The following DLAT variants were observed in gnomAD, a reference collection of about 807,000 sequenced individuals.
DLAT encodes dihydrolipoamide S-acetyltransferase, also known as dihydrolipoyllysine-residue acetyltransferase component of pyruvate dehydrogenase complex, mitochondrial.
In DLAT, 43 loss-of-function variants were observed where a neutral mutation model predicts 68.0. The observed-to-expected ratio is 0.63, with a 90% CI of 0.50 to 0.81. The LOEUF (loss-of-function observed/expected upper bound fraction) is 0.81. Among genes scored for constraint, DLAT ranks in the 40% least tolerant of loss-of-function variants. The pLI is 0.00. For synonymous variants in DLAT, 265 were observed against 288.6 expected, an observed-to-expected ratio of 0.92 and a Z score of 0.83; for missense variants, 745 against 815.4, an observed-to-expected ratio of 0.91 and a Z score of 1.05.
At chr11:112,036,085 C>T (rs2137743385) in intron 5 of DLAT, among the ~76,000 whole-genome samples, 1 of 142,712 alleles carries the variant, frequency 7.0e-6, no homozygotes, top group African/African-American at 2.5e-5. Context: ...GCCACCGTGC[C>T]CAGCCTTAAA....
At chr11:112,026,166 A>C in intron 1 of DLAT, 32 bp from the exon 2 acceptor site, 1 of 1,537,942 alleles carries the variant, frequency 6.5e-7, no homozygotes, top group East Asian at 2.3e-5. Flanking sequence ...TAGTCCTTAA[A>C]AATTTTAATG....
chr11:112,055,695 G>A (rs1297902567), intron 11 of DLAT, among the ~76,000 whole-genome samples: 4 of 150,894 alleles, frequency 2.7e-5, no homozygotes, highest in South Asian at 2.1e-4. Flanking sequence ...TTCCTTTTCC[G>A]TGCTATGGCC....
At chr11:112,050,047 TC>T (rs781841285) in intron 10 of DLAT, among the ~76,000 whole-genome samples, 7 of 152,208 alleles carry the variant, frequency 4.6e-5, no homozygotes, top group Non-Finnish European at 7.3e-5. Flanking sequence ...TCCCTCCTGT[TC>T]CCAGTTAGTA....
chr11:112,051,312 G>C lies in DLAT; in HGVS notation c.1477G>C (p.Glu493Gln). 1 of 1,613,606 alleles carries C rather than the reference G, an allele frequency of 6.2e-7. No individual in the cohort carries two copies. The highest frequency in any genetic ancestry group is 8.5e-7 in the Non-Finnish European group (1 of 1,179,924). Residue 493 changes from glutamate to glutamine, a missense_variant, in exon 11 of 14, where the codon GAA becomes CAA. Transcript: ENST00000280346. The surrounding 1 kb of genome is among the most constrained non-coding windows in gnomAD (Gnocchi z 4.3). ...AGCTTTGGCATGTTTAAAAGTTCCC[G>C]AAGCAAATTCTTCTTGGATGGACAC... ...ASALACLKVP[E>Q]ANSSWMDTVI... is the part of the protein sequence containing the mutation.
In DLAT at chr11:112,064,209, GT is replaced by G; in HGVS notation, c.*1676del. On this transcript the variant is annotated 3_prime_UTR_variant, in exon 14 of 14. Coordinates refer to ENST00000280346, the MANE Select transcript of DLAT (RefSeq NM_001931.5). ...AATTCATCTTTCGCTAATGCTTGTG[GT>G]TCTGTTGTTCCCTTGAAAAAAAATA... The G allele has an allele frequency of 6.4e-7, 1 of 1,565,818 alleles. No individual in the cohort carries two copies. Among genetic ancestry groups the G allele is most frequent in the Non-Finnish European group, 8.6e-7 (1 of 1,157,014 alleles).
intron 13 of DLAT, 56 bp downstream of exon 13, chr11:112,061,230 T>C: frequency 6.3e-7 from 1 of 1,599,774 alleles, no homozygotes; most frequent in Non-Finnish European, 8.6e-7. Context: ...ACTGTACACT[T>C]GTCCTGTGGT....
chr11:112,039,745 G>A (rs587717175), intron 7 of DLAT, among the ~76,000 whole-genome samples: 2 of 152,236 alleles, frequency 1.3e-5, no homozygotes, highest in South Asian at 4.1e-4. Flanking sequence ...TTGGTTGACT[G>A]TAGCAATAAG....
Position 112,033,466 on chromosome 11 carries a change from A to C in DLAT, c.723A>C (p.Lys241Asn). The stretch of plus-strand genomic sequence containing the variant: ...GCACAGTTCAGAGATGGGAAAAAAA[A>C]GTGGGTGAGAAGCTAAGTGAAGGAG... ...TMGTVQRWEK[K>N]VGEKLSEGDL... is the part of the protein sequence containing the mutation. The change falls in exon 5 of 14, where the codon AAA becomes AAC. Residue 241 changes from lysine to asparagine, a missense_variant. By Grantham distance (94) the Lys-to-Asn change is moderately conservative. Transcript: ENST00000280346. The C allele has an allele frequency of 6.2e-7, 1 of 1,613,878 alleles. No homozygotes were observed. The highest frequency in any genetic ancestry group is 8.5e-7 in the Non-Finnish European group (1 of 1,179,894).
In DLAT at chr11:112,028,532, C is replaced by A. The variant is rs374146854; in HGVS notation, c.399C>A (p.Ala133=). The change falls in exon 3 of 14, where the codon GCC becomes GCA. Residue 133 remains alanine, a synonymous_variant. Coordinates refer to ENST00000280346, the MANE Select transcript of DLAT (RefSeq NM_001931.5). ...GTTAAAAGGTTGAAACTGATAAAGC[C>A]ACTGTTGGATTTGAGAGCCTGGAGG... ...DLIAEVETDK[A]TVGFESLEEC... 1.9e-6 allele frequency: 3 copies of A among 1,613,786 alleles called. No individual in the cohort carries two copies. Among genetic ancestry groups the A allele is most frequent in the East Asian group, 4.5e-5 (2 of 44,894 alleles).
chr11:112,045,719 T>G, intron 9 of DLAT, 144 bp from the exon 10 acceptor site: 6 of 617,992 alleles, frequency 9.7e-6, no homozygotes, highest in Non-Finnish European at 1.4e-5. Flanking sequence ...AGGTGTTATA[T>G]TATGGCGGAG....
At position 112,026,311 on chromosome 11, in the gene DLAT, T is replaced by G. The variant is rs781957621; in HGVS notation, c.381+12T>G. On this transcript the variant is annotated intron_variant, in intron 2 of 13. Transcript: ENST00000280346. The stretch of plus-strand genomic sequence containing the variant: ...ACCTAATTGCAGAGGTAAGTTTTTT[T>G]TTTTTTTTTTAATTAATTTATTTAT... 16 of 1,369,092 alleles carry G rather than the reference T, an allele frequency of 1.2e-5. No homozygotes were observed. The highest frequency in any genetic ancestry group is 5.0e-4 in the Middle Eastern group (2 of 3,964). The allele number at this position is 1,369,092 out of a possible 1,614,324, so 84.8% of individuals were successfully genotyped here.
intron 4 of DLAT, chr11:112,030,268 C>T: frequency 1.8e-6 from 1 of 564,266 alleles, no homozygotes; most frequent in East Asian, 4.7e-5. Context: ...GGCACAACGT[C>T]TGCAGAGAGC....
intron 5 of DLAT, among the ~76,000 whole-genome samples, chr11:112,034,168 G>A (rs1862566725): frequency 6.6e-6 from 1 of 152,162 alleles, no homozygotes; most frequent in Admixed American, 6.5e-5. Context: ...TTACTGAGAA[G>A]CTATATCAGA....
intron 11 of DLAT, among the ~76,000 whole-genome samples, chr11:112,057,517 G>A (rs1592721595): frequency 6.6e-6 from 1 of 152,212 alleles, no homozygotes; most frequent in African/African-American, 2.4e-5. Flanking sequence ...AAGTGAAACA[G>A]CCTTGTTGCT....
In DLAT at chr11:112,064,171, A is replaced by G. The variant is rs1555183602; in HGVS notation, c.*1636A>G. On this transcript the variant is annotated 3_prime_UTR_variant, in exon 14 of 14. Transcript: ENST00000280346. ...GATCCAAATCTGGTTCAAACATTCA[A>G]AACTTCAAAGATAATTCATCTTTCG... is the stretch of plus-strand genomic sequence containing the variant. 5.1e-6 allele frequency: 8 copies of G among 1,567,806 alleles called. No individual in the cohort carries two copies. Among genetic ancestry groups the G allele is most frequent in the South Asian group, 1.2e-5 (1 of 84,462 alleles).
At position 112,025,598 on chromosome 11, in the gene DLAT, C is replaced by G; in HGVS notation, c.126C>G (p.Pro42=). The G allele has an allele frequency of 6.2e-7, 1 of 1,613,956 alleles. No homozygotes were observed. Among genetic ancestry groups the G allele is most frequent in the Non-Finnish European group, 8.5e-7 (1 of 1,179,992 alleles). ...PRVTSRSGPA[P]ARRNSVTTGY... is the part of the protein sequence containing the mutation. Reference sequence around the variant, plus strand: ...TGACCTCGCGATCTGGCCCGGCTCCCGCTCGTCGCAACAGCGTGACTACAG... The same window carrying G: ...TGACCTCGCGATCTGGCCCGGCTCCGGCTCGTCGCAACAGCGTGACTACAG... Residue 42 remains proline, a synonymous_variant, in exon 1 of 14, where the codon CCC becomes CCG. Transcript: ENST00000280346.
chr11:112,048,969 ATTTTT>A (rs34651095), intron 10 of DLAT, among the ~76,000 whole-genome samples: 1 of 93,668 alleles, frequency 1.1e-5, no homozygotes, highest in Non-Finnish European at 2.0e-5. Flanking sequence ...TTTTCTCAAG[ATTTTT>A]TTTTTTTTTT....
In DLAT at chr11:112,025,774, C is replaced by G. The variant is rs376058264; in HGVS notation, c.279+23C>G. On this transcript the variant is annotated intron_variant, in intron 1 of 13. Coordinates refer to ENST00000280346, the MANE Select transcript of DLAT (RefSeq NM_001931.5). Reference sequence around the variant, plus strand: ...AAGGTGAGCCCTAGACCCCCCTTCTCGGGACCCCGTTGTCCTTCAGAGCTG... The same window carrying G: ...AAGGTGAGCCCTAGACCCCCCTTCTGGGGACCCCGTTGTCCTTCAGAGCTG... 6.5e-5 allele frequency: 104 copies of G among 1,612,368 alleles called. No individual in the cohort carries two copies. The African/African-American group carries it at 1.2e-3, about 19-fold the overall frequency.
At chr11:112,042,688 A>G (rs1176721282) in intron 7 of DLAT, among the ~76,000 whole-genome samples, 1 of 152,222 alleles carries the variant, frequency 6.6e-6, no homozygotes, top group East Asian at 1.9e-4. Flanking sequence ...ATTAAACCTA[A>G]GAGGCTGTAG....
Sources: gnomAD v4.1 joint callset for allele counts (sites outside exome capture counted in the v4.1 genomes callset) on GRCh38, gnomAD v4.1.1 for gene constraint, Gnocchi (gnomAD v3.1) non-coding constraint, MANE v1.5 for transcripts, NCBI Gene and HGNC (gene_info 2026-07-23, HGNC 2026-07-21) for gene names.